The following NDUFC2 variants were observed in gnomAD, a reference collection of about 807,000 sequenced individuals.
The protein encoded by NDUFC2 is NADH dehydrogenase [ubiquinone] 1 subunit C2.
NDUFC2 carries 2 observed loss-of-function variants against 10.1 expected under a neutral mutation model. The observed-to-expected ratio is 0.20, with a 90% CI of 0.08 to 0.62. The LOEUF is 0.62. Ranked by LOEUF, NDUFC2 falls within the 20% of genes least tolerant of loss-of-function variation. NDUFC2 has a pLI of 0.87. For synonymous variants in NDUFC2, 61 were observed against 63.6 expected (o/e 0.96, Z 0.20); for missense variants, 156 against 159.6 (o/e 0.98, Z 0.12).
Position 78,074,200 on chromosome 11 carries a change from G to T in NDUFC2, c.167-1059C>A, listed in dbSNP as rs557868725. On this transcript the variant is annotated intron_variant, in intron 1 of 2. Coordinates refer to ENST00000281031, the MANE Select transcript of NDUFC2 (RefSeq NM_004549.6). The stretch of plus-strand genomic sequence containing the variant: ...CGGCCCACATTATCACTTCTTTAAA[G>T]GTTAACAAATCTAAAATATTACATG... 4.6e-5 allele frequency among the ~76,000 whole-genome samples: 7 copies of T among 151,856 alleles called. No individual in the cohort carries two copies. The South Asian group carries it at 1.5e-3, about 32-fold the overall frequency.
At chr11:78,079,113 C>CAAA (rs386374249) in intron 1 of NDUFC2, among the ~76,000 whole-genome samples, 5,774 of 137,514 alleles carry the variant, frequency 0.042, 361 homozygotes, top group African/African-American at 0.13. Context: ...ATTCAGAGGT[C>CAAA]AAAAAAAAAA....
chr11:78,079,537 ACC>A, intron 1 of NDUFC2, 40 bp downstream of exon 1: 1 of 1,541,630 alleles, frequency 6.5e-7, no homozygotes, highest in Non-Finnish European at 8.7e-7. Flanking sequence ...CAGCCCTACG[ACC>A]CCTTCTCCTC....
intron 1 of NDUFC2, among the ~76,000 whole-genome samples, chr11:78,079,017 C>T (rs1859382283): frequency 6.6e-6 from 1 of 151,080 alleles, no homozygotes; most frequent in Admixed American, 6.6e-5. Context: ...TGAGCCACCT[C>T]GCGCAGCCCA....
chr11:78,073,282 A>G, intron 1 of NDUFC2, 141 bp from the exon 2 acceptor site: 3 of 1,277,764 alleles, frequency 2.3e-6, no homozygotes, highest in Non-Finnish European at 3.3e-6. Context: ...ACCTGAGGTC[A>G]GGAGTTCGAG....
rs1858917915 is a variant in NDUFC2 at position 78,069,882 on chromosome 11, G to A, written c.*105C>T. 1 of 1,610,112 alleles carries A rather than the reference G, an allele frequency of 6.2e-7. No homozygotes were observed. The highest frequency in any genetic ancestry group is 8.5e-7 in the Non-Finnish European group (1 of 1,177,624). On this transcript the variant is annotated 3_prime_UTR_variant, in exon 3 of 3. Transcript: ENST00000281031. The stretch of plus-strand genomic sequence containing the variant: ...ATGGTACGTATTTTAATTACAAGGT[G>A]TCAACATACAGATTAGCATAAGCTT...
intron 1 of NDUFC2, among the ~76,000 whole-genome samples, chr11:78,078,866 A>G (rs577179340): frequency 1.3e-4 from 19 of 149,768 alleles, no homozygotes; most frequent in Admixed American, 1.1e-3. Context: ...CTGGGACCAC[A>G]GGCGTGCACC....
chr11:78,068,453 C>G lies in NDUFC2; in HGVS notation c.*1534G>C, dbSNP rs1476463024. The G allele has an allele frequency of 1.3e-5, 2 of 152,272 alleles. No individual in the cohort carries two copies. Among genetic ancestry groups the G allele is most frequent in the Middle Eastern group, 3.4e-3 (1 of 294 alleles). 9.4% of individuals were successfully genotyped at this position (152,272 alleles called of 1,614,324 possible). On this transcript the variant is annotated 3_prime_UTR_variant, in exon 3 of 3. Transcript: ENST00000281031. ...GAGACAGAAATCATTTGATTTTGCC[C>G]AGAAACCATCTGCTTATATTTATAA...
chr11:78,074,580 T>C (rs12276887), intron 1 of NDUFC2, among the ~76,000 whole-genome samples: 51,428 of 150,862 alleles, frequency 0.34, 10,771 homozygotes, highest in Non-Finnish European at 0.45. Context: ...ACCACTGAAC[T>C]CTAGCCTGGG....
At position 78,068,990 on chromosome 11, in the gene NDUFC2, T is replaced by C. The variant is rs1590772148; in HGVS notation, c.*997A>G. 1 of 151,962 alleles carries C rather than the reference T, an allele frequency of 6.6e-6. No individual in the cohort carries two copies. The highest frequency in any genetic ancestry group is 1.5e-5 in the Non-Finnish European group (1 of 68,012). 9.4% of individuals were successfully genotyped at this position (151,962 alleles called of 1,614,324 possible). A position where few individuals can be genotyped will look rare whatever the true frequency, so the allele number is the denominator to read the frequency against. ...TGCATCCTCGAATTCCAGGGCTCAATAGATCCTCCCACCTCAGCCTTATGA... is the reference window on the plus strand; with the variant it reads ...TGCATCCTCGAATTCCAGGGCTCAACAGATCCTCCCACCTCAGCCTTATGA... On this transcript the variant is annotated 3_prime_UTR_variant, in exon 3 of 3. Transcript: ENST00000281031.
At chr11:78,077,297 A>C (rs1399040414) in intron 1 of NDUFC2, among the ~76,000 whole-genome samples, 1 of 152,064 alleles carries the variant, frequency 6.6e-6, no homozygotes, top group Non-Finnish European at 1.5e-5. Context: ...GTCTCAAAAA[A>C]AAAAAAAGGG....
At chr11:78,075,304 T>C (rs974676350) in intron 1 of NDUFC2, among the ~76,000 whole-genome samples, 1 of 152,178 alleles carries the variant, frequency 6.6e-6, no homozygotes, top group Admixed American at 6.5e-5. Flanking sequence ...GTAGGGTGAC[T>C]ACAGTTAATA....
At chr11:78,079,283 G>A (rs1859402468) in intron 1 of NDUFC2, among the ~76,000 whole-genome samples, 1 of 152,168 alleles carries the variant, frequency 6.6e-6, no homozygotes, top group South Asian at 2.1e-4. Context: ...ATGGCATGGA[G>A]TCATGGCTCA....
chr11:78,079,659 C>G lies in NDUFC2; in HGVS notation c.86G>C (p.Arg29Pro). The G allele has an allele frequency of 6.2e-7, 1 of 1,604,384 alleles. No individual in the cohort carries two copies. Among genetic ancestry groups the G allele is most frequent in the Non-Finnish European group, 8.5e-7 (1 of 1,176,032 alleles). ...GCCCAAGAAGCCGATGTAGAGGAGC[C>G]GCGGGTCGGTCAGCTTGGGCGGGGG... Reference protein sequence around the residue: ...SLPPPKLTDPRLLYIGFLGYC... With the variant: ...SLPPPKLTDPPLLYIGFLGYC... Residue 29 changes from arginine to proline, a missense_variant, in exon 1 of 3, where the codon CGG (arginine) becomes CCG (proline). Arg to Pro is a moderately radical substitution (Grantham distance 103). Transcript: ENST00000281031.
Position 78,078,728 on chromosome 11 carries a change from C to CATTTTTTTTTTTTTTTTTTT in NDUFC2, c.166+850_166+851insAAAAAAAAAAAAAAAAAAAT, listed in dbSNP as rs1859357363. 4.9e-5 allele frequency among the ~76,000 whole-genome samples: 3 copies of CATTTTTTTTTTTTTTTTTTT among 61,642 alleles called. 1 individual carries two copies. The highest frequency in any genetic ancestry group is 1.2e-4 in the African/African-American group (2 of 16,022). The allele number at this position is 61,642 out of a possible 152,430, so 40.4% of individuals were successfully genotyped here. A position where few individuals can be genotyped will look rare whatever the true frequency, so the allele number is the denominator to read the frequency against. ...CCCAGACCTCATGAATCAGGATCCG[C>CATTTTTTTTTTTTTTTTTTT]TTTTTTTTTTTTTTTGAGACAGGGT... is the stretch of plus-strand genomic sequence containing the variant. On this transcript the variant is annotated intron_variant, in intron 1 of 2. Transcript: ENST00000281031.
rs534418 is a variant in NDUFC2, at chr11:78,079,607, T to C, written c.138A>G (p.Leu46=). 1,318,047 of 1,559,874 alleles carry C rather than the reference T, an allele frequency of 0.84. 558,027 individuals carry two copies. Among genetic ancestry groups the C allele is most frequent in the African/African-American group, 0.91 (67,239 of 73,642 alleles). The part of the protein sequence containing the change: ...LGYCSGLIDN[L]IRRRPIATAG... ...CCGTCGCGATCGGCCTCCGCCGGAT[T>C]AGGTTATCAATCAGGCCGGAGCAGT... Residue 46 remains leucine, a synonymous_variant, in exon 1 of 3, where the codon CTA becomes CTG. Coordinates refer to ENST00000281031, the MANE Select transcript of NDUFC2 (RefSeq NM_004549.6).
At chr11:78,071,341 T>C (rs181636723) in intron 2 of NDUFC2, among the ~76,000 whole-genome samples, 292 of 151,434 alleles carry the variant, frequency 1.9e-3, no homozygotes, top group Non-Finnish European at 3.8e-3. Flanking sequence ...CACGGCACCT[T>C]GTCCTCCCAG....
rs1260404065 is a variant in NDUFC2, at chr11:78,073,478, C to A, written c.167-337G>T. Among the ~76,000 whole-genome samples the A allele has an allele frequency of 2.7e-5, 4 of 148,660 alleles. No individual in the cohort carries two copies. In the East Asian group the frequency reaches 6.0e-4, roughly 22 times the overall value. On this transcript the variant is annotated intron_variant, in intron 1 of 2. Coordinates refer to ENST00000281031, the MANE Select transcript of NDUFC2 (RefSeq NM_004549.6). ...TTGCACTCCAGCCTGGGTGACAAAG[C>A]GCCTGGCCTGTTATGGCATTTCTTA... is the stretch of plus-strand genomic sequence containing the variant.
At chr11:78,073,180 TA>T in intron 1 of NDUFC2, 39 bp from the exon 2 acceptor site, 1 of 1,612,302 alleles carries the variant, frequency 6.2e-7, no homozygotes, top group Non-Finnish European at 8.5e-7. Context: ...AAGCAAAAAT[TA>T]GTCCATGTGT....
intron 2 of NDUFC2, among the ~76,000 whole-genome samples, chr11:78,070,565 C>T (rs531896174): frequency 6.6e-6 from 1 of 152,210 alleles, no homozygotes; most frequent in African/African-American, 2.4e-5. Context: ...TAAGAATTTC[C>T]TTATTTTCTT....
Sources: allele counts gnomAD v4.1 joint callset (sites outside exome capture counted in the v4.1 genomes callset), GRCh38; gene constraint gnomAD v4.1.1; transcripts MANE v1.5; gene names NCBI Gene and HGNC (gene_info 2026-07-23, HGNC 2026-07-21).